EOGT: variants seen among roughly 807,000 people sequenced by gnomAD.
EOGT encodes EGF domain-specific O-linked N-acetylglucosamine transferase.
In EOGT, 55 loss-of-function variants were observed where a neutral mutation model predicts 70.5. The ratio of observed to expected loss-of-function variants is 0.78; its 90% CI spans 0.63 to 0.98. The LOEUF is 0.98. Ranked by LOEUF, EOGT falls within the 50% of genes least tolerant of loss-of-function variation. EOGT has a pLI of 0.00. For missense variants in EOGT, 703 were observed against 641.9 expected, an observed-to-expected ratio of 1.10 and a Z score of -1.03; for synonymous variants, 246 against 217.1, an observed-to-expected ratio of 1.13 and a Z score of -1.17.
intron 14 of EOGT, among the ~76,000 whole-genome samples, chr3:68,986,452 C>T (rs2314606): frequency 4.6e-5 from 7 of 151,768 alleles, no homozygotes; most frequent in Non-Finnish European, 8.8e-5. Flanking sequence ...GAGGCTGATA[C>T]GATCTGTGGC....
In EOGT at chr3:68,978,406, AAG is replaced by A. The variant is rs763080033; in HGVS notation, c.1362_1363del (p.Leu455ArgfsTer24). ...AACGCCTCTCAGCCTGGCCAAGTCT[AAG>A]TAACAGCGTTCATCTTCACAGTTGT... On this transcript the variant is annotated frameshift_variant, in exon 17 of 18. Coordinates refer to ENST00000383701, the MANE Select transcript of EOGT (RefSeq NM_001278689.2). LOFTEE classifies it high-confidence loss of function. 1 of 1,612,048 alleles carries A rather than the reference AAG, an allele frequency of 6.2e-7. No homozygotes were observed. Among genetic ancestry groups the A allele is most frequent in the Non-Finnish European group, 8.5e-7 (1 of 1,179,324 alleles).
At chr3:69,011,364 G>A (rs1371649979) in intron 3 of EOGT, among the ~76,000 whole-genome samples, 1 of 151,560 alleles carries the variant, frequency 6.6e-6, no homozygotes, top group African/African-American at 2.4e-5. Context: ...CAGACTGCAG[G>A]CCTGTAATAG....
At chr3:68,984,088 T>A (rs184105124) in intron 14 of EOGT, among the ~76,000 whole-genome samples, 2 of 152,210 alleles carry the variant, frequency 1.3e-5, no homozygotes, top group Non-Finnish European at 2.9e-5. Flanking sequence ...AGCTCCCAAA[T>A]GCACAGCCAA....
chr3:68,988,930 T>G lies in EOGT; in HGVS notation c.919A>C (p.Lys307Gln). ...TTCAGGAAAATTTCCAGTACCCTTT[T>G]GGAATCATAAGTTTTCAAATGTATA... ...DVIHLKTYDS[K>Q]RVCFKEAVFS... Residue 307 changes from lysine (K) to glutamine (Q), a missense_variant, in exon 11 of 18, where the codon AAA (lysine) becomes CAA (glutamine). Coordinates refer to ENST00000383701, the MANE Select transcript of EOGT (RefSeq NM_001278689.2). 2.0e-6 allele frequency: 3 copies of G among 1,510,806 alleles called. No homozygotes were observed. The highest frequency in any genetic ancestry group is 2.7e-6 in the Non-Finnish European group (3 of 1,129,032). The allele number at this position is 1,510,806 out of a possible 1,614,324, so 93.6% of individuals were successfully genotyped here. A position where few individuals can be genotyped will look rare whatever the true frequency, so the allele number is the denominator to read the frequency against.
chr3:68,978,116 C>T (rs932748035), intron 17 of EOGT, among the ~76,000 whole-genome samples: 1 of 152,192 alleles, frequency 6.6e-6, no homozygotes, highest in Non-Finnish European at 1.5e-5. Context: ...TCTTTCTAAG[C>T]CCAAATTTCA....
intron 17 of EOGT, among the ~76,000 whole-genome samples, 153 bp downstream of exon 17, chr3:68,978,177 TCTC>T (rs1288223446): frequency 6.6e-6 from 1 of 152,198 alleles, no homozygotes; most frequent in African/African-American, 2.4e-5. Context: ...TTCCCCTTTT[TCTC>T]CTATTTGCAA....
At chr3:68,998,256 A>G (rs1240158960) in intron 9 of EOGT, 142 bp from the exon 10 acceptor site, 2 of 596,384 alleles carry the variant, frequency 3.4e-6, no homozygotes, top group Non-Finnish European at 5.8e-6. Flanking sequence ...TGTTTTTCCA[A>G]ACATGAAATG....
Position 69,008,454 on chromosome 3 carries a change from T to G in EOGT, c.285A>C (p.Pro95=). 1 of 1,614,104 alleles carries G rather than the reference T, an allele frequency of 6.2e-7. No homozygotes were observed. The highest frequency in any genetic ancestry group is 8.5e-7 in the Non-Finnish European group (1 of 1,179,962). Residue 95 remains proline (P), a synonymous_variant, in exon 5 of 18, where the codon CCA becomes CCC. Coordinates refer to ENST00000383701, the MANE Select transcript of EOGT (RefSeq NM_001278689.2). The stretch of plus-strand genomic sequence containing the variant: ...ATCCCATGTCGACATAGCTGCAAAC[T>G]GGGTAACCAAACCTGAACTCTGGTT... ...SCKPEFRFGY[P]VCSYVDMGWT...
At position 68,979,709 on chromosome 3, in the gene EOGT, G is replaced by A. The variant is rs779732997; in HGVS notation, c.1293C>T (p.Thr431=). 7.4e-6 allele frequency: 12 copies of A among 1,613,764 alleles called. No homozygotes were observed. Among genetic ancestry groups the A allele is most frequent in the South Asian group, 4.4e-5 (4 of 91,066 alleles). Residue 431 remains threonine, a synonymous_variant, in exon 16 of 18, where the codon ACC becomes ACT. Transcript: ENST00000383701. ...CCCAGTCTGGAAGGAAAAGTAAATGGGTCAGACCAGCTCCATGCATTCCAA... is the reference window on the plus strand; with the variant it reads ...CCCAGTCTGGAAGGAAAAGTAAATGAGTCAGACCAGCTCCATGCATTCCAA... ...IFIGMHGAGL[T]HLLFLPDWAA... is the part of the protein sequence containing the mutation.
chr3:68,996,942 C>T (rs1463759636), intron 10 of EOGT, among the ~76,000 whole-genome samples: 1 of 152,224 alleles, frequency 6.6e-6, no homozygotes, highest in Non-Finnish European at 1.5e-5. Flanking sequence ...AGCACAAGTA[C>T]TGTGTACCAG....
At chr3:69,005,694 C>A (rs2091422710) in intron 6 of EOGT, among the ~76,000 whole-genome samples, 1 of 152,160 alleles carries the variant, frequency 6.6e-6, no homozygotes, top group Non-Finnish European at 1.5e-5. Flanking sequence ...TTTCTGCAAA[C>A]CGTAAAGCTT....
At chr3:68,985,541 G>C (rs1025207958) in intron 14 of EOGT, among the ~76,000 whole-genome samples, 1 of 152,090 alleles carries the variant, frequency 6.6e-6, no homozygotes, top group Non-Finnish European at 1.5e-5. Flanking sequence ...AGTCACACTT[G>C]ATCCTTGATA....
At chr3:69,006,763 C>T (rs9851987) in intron 6 of EOGT, among the ~76,000 whole-genome samples, 69,826 of 151,654 alleles carry the variant, frequency 0.46, 16,591 homozygotes, top group Admixed American at 0.52. Flanking sequence ...CTCTTGACAA[C>T]GTGTTTATCT....
intron 1 of EOGT, 41 bp downstream of exon 1, chr3:69,013,533 G>A (rs1347139097): frequency 6.5e-6 from 1 of 154,024 alleles, no homozygotes; most frequent in Non-Finnish European, 1.4e-5. Flanking sequence ...CGGCGGGAAG[G>A]AGAGCGGGGG....
chr3:69,000,845 G>A (rs1452830710), intron 9 of EOGT, among the ~76,000 whole-genome samples: 13 of 152,064 alleles, frequency 8.5e-5, no homozygotes, highest in Admixed American at 7.9e-4. Flanking sequence ...AATTACACTG[G>A]TAACTTCCAG....
chr3:69,004,882 T>C (rs1246425798), intron 7 of EOGT, among the ~76,000 whole-genome samples: 1 of 152,004 alleles, frequency 6.6e-6, no homozygotes, highest in East Asian at 1.9e-4. Context: ...TGGGCAACGT[T>C]AGAAGACCCC....
chr3:69,002,661 CTT>C (rs34786432), intron 8 of EOGT, among the ~76,000 whole-genome samples: 2 of 144,858 alleles, frequency 1.4e-5, no homozygotes, highest in Admixed American at 6.8e-5. Flanking sequence ...GCATGAATTT[CTT>C]TTTTTTTTTG....
chr3:69,013,066 G>T (rs1390056354), intron 1 of EOGT, among the ~76,000 whole-genome samples: 3 of 152,204 alleles, frequency 2.0e-5, no homozygotes, highest in Non-Finnish European at 4.4e-5. Flanking sequence ...CGTCAGTCCC[G>T]GCAGAGCCCA....
intron 10 of EOGT, among the ~76,000 whole-genome samples, chr3:68,993,681 T>C (rs893918869): frequency 6.6e-6 from 1 of 152,158 alleles, no homozygotes; most frequent in Non-Finnish European, 1.5e-5. Flanking sequence ...ATTTACTGTA[T>C]GAGTCCGTTT....
Sources: gnomAD v4.1 joint callset for allele counts (sites outside exome capture counted in the v4.1 genomes callset) on GRCh38, gnomAD v4.1.1 for gene constraint, MANE v1.5 for transcripts, NCBI Gene and HGNC (gene_info 2026-07-23, HGNC 2026-07-21) for gene names.